CA5A: variants seen among roughly 807,000 people sequenced by gnomAD.
The protein encoded by CA5A is carbonic anhydrase 5A, mitochondrial.
CA5A carries 28 observed loss-of-function variants against 37.1 expected under a neutral mutation model. That is an observed-to-expected ratio of 0.75 (90% CI 0.56 to 1.03). The LOEUF (loss-of-function observed/expected upper bound fraction) is 1.03, where lower values mean the gene tolerates loss of function less well. Ranked by LOEUF, CA5A falls within the 50% of genes least tolerant of loss-of-function variation. The pLI, the probability that CA5A is intolerant of heterozygous loss-of-function variation, is 0.00. For missense variants in CA5A, 444 were observed against 399.9 expected (o/e 1.11, Z -0.94); for synonymous variants, 171 against 158.4 (o/e 1.08, Z -0.60).
At chr16:87,893,670 G>A in intron 5 of CA5A, 1 of 574,296 alleles carries the variant, frequency 1.7e-6, no homozygotes, top group South Asian at 1.4e-5. Flanking sequence ...CGAGGCTCGG[G>A]CTGGGTCAGC....
intron 2 of CA5A, chr16:87,924,463 C>T (rs2056274618): frequency 6.5e-6 from 2 of 305,712 alleles, no homozygotes; most frequent in Middle Eastern, 1.7e-3. Context: ...GAGGCAGGAG[C>T]AGGCTCAGGC....
downstream of CA5A, chr16:87,885,907 G>A (rs575812160): frequency 6.6e-6 from 1 of 152,202 alleles, no homozygotes; most frequent in African/African-American, 2.4e-5. Flanking sequence ...ATCAGAATGT[G>A]AGCTCCGAGG....
chr16:87,886,180 G>A (rs1476033590), downstream of CA5A: 4 of 115,016 alleles, frequency 3.5e-5, no homozygotes, highest in Non-Finnish European at 5.3e-5. Context: ...ACAAAGTTTC[G>A]CTCTTGTTTC....
chr16:87,897,978 GCAGTGC>G (rs752790013), intron 5 of CA5A, among the ~76,000 whole-genome samples: 52 of 152,316 alleles, frequency 3.4e-4, no homozygotes, highest in Non-Finnish European at 6.2e-4. Flanking sequence ...TGCCGCAGGA[GCAGTGC>G]TTTGTGACTC....
intron 2 of CA5A, among the ~76,000 whole-genome samples, chr16:87,915,968 G>A (rs368649342): frequency 5.3e-5 from 8 of 151,920 alleles, no homozygotes; most frequent in East Asian, 3.9e-4. Flanking sequence ...CACGTGGCTG[G>A]GGAGGCCTCG....
chr16:87,923,817 A>G, intron 2 of CA5A: 1 of 985,296 alleles, frequency 1.0e-6, no homozygotes, highest in Non-Finnish European at 1.2e-6. Context: ...AGGAATATGA[A>G]TCCCATAGCA....
At chr16:87,927,077 G>A in intron 1 of CA5A, 132 bp from the exon 2 acceptor site, 1 of 663,024 alleles carries the variant, frequency 1.5e-6, no homozygotes, top group Non-Finnish European at 2.6e-6. Context: ...ACGGGAAACG[G>A]GCGCGTGGGG....
intron 5 of CA5A, among the ~76,000 whole-genome samples, chr16:87,901,538 G>T (rs564375281): frequency 2.0e-5 from 3 of 151,778 alleles, no homozygotes; most frequent in Non-Finnish European, 4.4e-5. Flanking sequence ...CAAATGAATC[G>T]CTGCACTAAA....
chr16:87,891,989 T>C, intron 5 of CA5A, 35 bp from the exon 6 acceptor site: 1 of 1,496,670 alleles, frequency 6.7e-7, no homozygotes, highest in East Asian at 2.7e-5. Context: ...GTGTCAGTCC[T>C]CAGGGGAGAC....
chr16:87,919,957 C>G (rs2056208426), intron 2 of CA5A, among the ~76,000 whole-genome samples: 1 of 152,228 alleles, frequency 6.6e-6, no homozygotes, highest in Admixed American at 6.5e-5. Context: ...CATCACCGCT[C>G]TCGTCCCTCC....
chr16:87,905,891 C>T (rs1464040181), intron 2 of CA5A, among the ~76,000 whole-genome samples: 2 of 152,234 alleles, frequency 1.3e-5, no homozygotes, highest in African/African-American at 2.4e-5. Context: ...CTTCTCCTGA[C>T]ATGTGGGGCT....
At chr16:87,931,111 ATT>A (rs939722379) in intron 1 of CA5A, among the ~76,000 whole-genome samples, 44 of 125,882 alleles carry the variant, frequency 3.5e-4, no homozygotes, top group South Asian at 7.3e-4. Flanking sequence ...TTGTCAAGTA[ATT>A]TTTTTTTTTT....
intron 5 of CA5A, among the ~76,000 whole-genome samples, chr16:87,894,228 C>T (rs1349484503): frequency 6.6e-6 from 1 of 152,050 alleles, no homozygotes; most frequent in African/African-American, 2.4e-5. Flanking sequence ...GGCCGCAACA[C>T]AGCCCTCATC....
At chr16:87,923,569 TC>T in intron 2 of CA5A, 1 of 985,398 alleles carries the variant, frequency 1.0e-6, no homozygotes. Context: ...GGCCCCCTGT[TC>T]CCCACTGCAT....
At chr16:87,915,051 G>A (rs1011762716) in intron 2 of CA5A, among the ~76,000 whole-genome samples, 2 of 152,230 alleles carry the variant, frequency 1.3e-5, no homozygotes, top group South Asian at 2.1e-4. Flanking sequence ...AGCGTTTCAC[G>A]GACATGGCCC....
At chr16:87,923,144 T>A (rs937061111) in intron 2 of CA5A, among the ~76,000 whole-genome samples, 16 of 152,156 alleles carry the variant, frequency 1.1e-4, no homozygotes, top group Admixed American at 7.9e-4. Context: ...CCCGCAATAC[T>A]CTCTCTAGTG....
chr16:87,932,153 C>T (rs761167458), intron 1 of CA5A, among the ~76,000 whole-genome samples: 4 of 152,150 alleles, frequency 2.6e-5, no homozygotes, highest in Admixed American at 1.3e-4. Context: ...ACAAATCTCC[C>T]TTGCATCCAA....
chr16:87,934,101 G>A (rs2056441026), intron 1 of CA5A, among the ~76,000 whole-genome samples: 1 of 152,266 alleles, frequency 6.6e-6, no homozygotes, highest in African/African-American at 2.4e-5. Context: ...ACCGCTGCCT[G>A]TGTTAGCAAC....
chr16:87,916,591 T>C (rs758933703), intron 2 of CA5A, among the ~76,000 whole-genome samples: 8 of 152,228 alleles, frequency 5.3e-5, no homozygotes, highest in Non-Finnish European at 7.3e-5. Flanking sequence ...AACCATCTTC[T>C]TTCTTATGTA....
Sources: gnomAD v4.1 joint callset for allele counts (sites outside exome capture counted in the v4.1 genomes callset) on GRCh38, gnomAD v4.1.1 for gene constraint, MANE v1.5 for transcripts, NCBI Gene and HGNC (gene_info 2026-07-23, HGNC 2026-07-21) for gene names.